The following WFIKKN2 variants were observed in gnomAD, a reference collection of about 807,000 sequenced individuals.
WFIKKN2 encodes the protein WAP, Kazal, immunoglobulin, Kunitz and NTR domain-containing protein 2.
A neutral mutation model predicts 39.2 loss-of-function variants in WFIKKN2; 25 were observed. That is an observed-to-expected ratio of 0.64 (90% CI 0.47 to 0.89). The LOEUF is 0.89. WFIKKN2 is among the 40% of genes least tolerant of loss of function. WFIKKN2 has a pLI of 0.00. For synonymous variants in WFIKKN2, 345 were observed against 329.7 expected, an observed-to-expected ratio of 1.05 and a Z score of -0.50; for missense variants, 770 against 811.7, an observed-to-expected ratio of 0.95 and a Z score of 0.62.
chr17:50,838,847 G>C (rs1004640207), intron 1 of WFIKKN2, among the ~76,000 whole-genome samples: 3 of 152,132 alleles, frequency 2.0e-5, no homozygotes, highest in Non-Finnish European at 4.4e-5. Context: ...CGGTCTCCTT[G>C]AGGGGAGGAG....
At chr17:50,836,242 G>A (rs1288371031) in intron 1 of WFIKKN2, 95 bp downstream of exon 1, 2 of 1,430,884 alleles carry the variant, frequency 1.4e-6, no homozygotes, top group Middle Eastern at 1.9e-4. Flanking sequence ...AGTGTGAGGA[G>A]GACAACGTGA....
intron 1 of WFIKKN2, among the ~76,000 whole-genome samples, chr17:50,837,174 G>T (rs947952261): frequency 6.6e-6 from 1 of 152,226 alleles, no homozygotes; most frequent in Admixed American, 6.5e-5. Flanking sequence ...GGGCACAGTT[G>T]TCATGGCCAG....
At position 50,841,844 on chromosome 17, in the gene WFIKKN2, T is replaced by C. The variant is rs1247505994; in HGVS notation, c.*825T>C. ...CACCCCTCCGCTGGACTCACAACTG[T>C]CTGGAGTTTCTGTCTGATGGATGGT... On this transcript the variant is annotated 3_prime_UTR_variant, in exon 2 of 2. Coordinates refer to ENST00000311378, the MANE Select transcript of WFIKKN2 (RefSeq NM_175575.6). 1 of 152,196 alleles carries C rather than the reference T, an allele frequency of 6.6e-6. No homozygotes were observed. Among genetic ancestry groups the C allele is most frequent in the African/African-American group, 2.4e-5 (1 of 41,390 alleles). The allele number at this position is 152,196 out of a possible 1,614,324, so 9.4% of individuals were successfully genotyped here. A position where few individuals can be genotyped will look rare whatever the true frequency, so the allele number is the denominator to read the frequency against.
chr17:50,839,836 A>G lies in WFIKKN2; in HGVS notation c.548A>G (p.Asn183Ser), dbSNP rs374420185. Residue 183 changes from asparagine (N) to serine (S), a missense_variant, in exon 2 of 2, where the codon AAC (asparagine) becomes AGC (serine). By Grantham distance (46) the Asn-to-Ser change is conservative (BLOSUM62 1). Transcript: ENST00000311378. ...TGCCGCTATCACTTCACCTGGCCCA[A>G]CACCAGCCCCCCACCACCTGAGACC... Reference protein sequence around the residue: ...VTCRYHFTWPNTSPPPPETTM... With the variant: ...VTCRYHFTWPSTSPPPPETTM... 1 of 1,613,948 alleles carries G rather than the reference A, an allele frequency of 6.2e-7. No individual in the cohort carries two copies. The highest frequency in any genetic ancestry group is 1.3e-5 in the African/African-American group (1 of 74,896).
rs766062053 is a variant in WFIKKN2, at chr17:50,840,448, G to A, written c.1160G>A (p.Ser387Asn). Residue 387 changes from serine (S) to asparagine (N), a missense_variant, in exon 2 of 2, where the codon AGC (serine) becomes AAC (asparagine). Transcript: ENST00000311378. The stretch of plus-strand genomic sequence containing the variant: ...ATGAGCGGGCCGCTGGCCGCGTGCA[G>A]CCTGCCCGCCCTGCAGGGGCCCTGC... ...ACMSGPLAAC[S>N]LPALQGPCKA... is the part of the protein sequence containing the mutation. 2 of 1,613,708 alleles carry A rather than the reference G, an allele frequency of 1.2e-6. No homozygotes were observed. Among genetic ancestry groups the A allele is most frequent in the East Asian group, 4.5e-5 (2 of 44,884 alleles).
Position 50,841,212 on chromosome 17 carries a change from C to A in WFIKKN2, c.*193C>A. 9 of 512,014 alleles carry A rather than the reference C, an allele frequency of 1.8e-5. No homozygotes were observed. Among genetic ancestry groups the A allele is most frequent in the Middle Eastern group, 5.3e-4 (1 of 1,884 alleles). 31.7% of individuals were successfully genotyped at this position (512,014 alleles called of 1,614,324 possible). A position where few individuals can be genotyped will look rare whatever the true frequency, so the allele number is the denominator to read the frequency against. On this transcript the variant is annotated 3_prime_UTR_variant, in exon 2 of 2. Transcript: ENST00000311378. ...TTTGGGTTCAATAAGGGGTTCATAT[C>A]TTTTTTAGCTGAGGGGGACAAGAGG...
intron 1 of WFIKKN2, 82 bp from the exon 2 acceptor site, chr17:50,839,417 T>TC: frequency 1.5e-6 from 2 of 1,367,272 alleles, no homozygotes; most frequent in Non-Finnish European, 2.0e-6. Context: ...TTAGTTCTCC[T>TC]CCCCACAAAC....
At chr17:50,839,187 T>C (rs1567907416) in intron 1 of WFIKKN2, among the ~76,000 whole-genome samples, 1 of 152,154 alleles carries the variant, frequency 6.6e-6, no homozygotes. Flanking sequence ...CTTCCTACCC[T>C]GCTAGCTGAG....
In WFIKKN2 at chr17:50,840,117, G is replaced by T; in HGVS notation, c.829G>T (p.Ala277Ser). The part of the protein sequence containing the change: ...TNIAQLVIYN[A>S]QLQDAGIYTC... Reference sequence around the variant, plus strand: ...CATTGCCCAGCTGGTCATCTATAACGCCCAGCTGCAGGATGCTGGGATCTA... The same window carrying T: ...CATTGCCCAGCTGGTCATCTATAACTCCCAGCTGCAGGATGCTGGGATCTA... Residue 277 changes from alanine to serine, a missense_variant, in exon 2 of 2, where the codon GCC (alanine) becomes TCC (serine). Physicochemically the swap from Ala to Ser is moderately conservative, Grantham distance 99 (BLOSUM62 1). Coordinates refer to ENST00000311378, the MANE Select transcript of WFIKKN2 (RefSeq NM_175575.6). The T allele has an allele frequency of 6.2e-7, 1 of 1,608,976 alleles. No homozygotes were observed. Among genetic ancestry groups the T allele is most frequent in the African/African-American group, 1.4e-5 (1 of 73,364 alleles).
intron 1 of WFIKKN2, 134 bp downstream of exon 1, chr17:50,836,281 G>T (rs915334194): frequency 1.9e-6 from 2 of 1,072,238 alleles, no homozygotes; most frequent in South Asian, 1.6e-5. Flanking sequence ...AGTGTGAGGC[G>T]GACCAGGTGA....
At chr17:50,836,990 G>T (rs993395626) in intron 1 of WFIKKN2, among the ~76,000 whole-genome samples, 1 of 152,200 alleles carries the variant, frequency 6.6e-6, no homozygotes. Context: ...AGGTGGGAGC[G>T]ATGTCCCAGT....
intron 1 of WFIKKN2, among the ~76,000 whole-genome samples, chr17:50,837,498 C>A (rs952111798): frequency 2.0e-5 from 3 of 152,228 alleles, no homozygotes; most frequent in African/African-American, 7.2e-5. Flanking sequence ...GGGCAACAGG[C>A]TGTGGGACCT....
At chr17:50,835,086 C>T (rs1319305827), upstream of WFIKKN2, 1 of 152,208 alleles carries the variant, frequency 6.6e-6, no homozygotes, top group African/African-American at 2.4e-5. Flanking sequence ...GAACTTAAGA[C>T]GCAAACTGCC....
chr17:50,834,954 C>A (rs573769588), upstream of WFIKKN2: 2 of 152,200 alleles, frequency 1.3e-5, no homozygotes, highest in South Asian at 4.2e-4. Context: ...ACTGTGACCG[C>A]GGAGGTTTTC....
At chr17:50,839,450 C>T in intron 1 of WFIKKN2, 49 bp from the exon 2 acceptor site, 5 of 1,539,646 alleles carry the variant, frequency 3.2e-6, no homozygotes, top group Non-Finnish European at 4.4e-6. Context: ...TAGGGAGCCC[C>T]TCCTTTCCTC....
rs149885164 is a variant in WFIKKN2 at position 50,835,990 on chromosome 17, C to T, written c.53C>T (p.Ala18Val). The T allele has an allele frequency of 3.8e-4, 605 of 1,606,922 alleles. 4 individuals carry two copies. Among genetic ancestry groups the T allele is most frequent in the Middle Eastern group, 2.0e-3 (12 of 6,068 alleles). The change falls in exon 1 of 2, where the codon GCG becomes GTG. Residue 18 changes from alanine (A) to valine (V), a missense_variant. Coordinates refer to ENST00000311378, the MANE Select transcript of WFIKKN2 (RefSeq NM_175575.6). The part of the protein sequence containing the change: ...RFWSRWEQVA[A>V]LLLLLLLLGV... ...TGGTCTCGCTGGGAGCAGGTGGCAG[C>T]GCTGCTGCTGCTGCTGCTACTGCTC...
Position 50,839,971 on chromosome 17 carries a change from G to A in WFIKKN2, c.683G>A (p.Ser228Asn), listed in dbSNP as rs780157281. 6.2e-7 allele frequency: 1 copy of A among 1,614,168 alleles called. No individual in the cohort carries two copies. Among genetic ancestry groups the A allele is most frequent in the South Asian group, 1.1e-5 (1 of 91,090 alleles). The change falls in exon 2 of 2, where the codon AGC (serine) becomes AAC (asparagine). Residue 228 changes from serine (S) to asparagine (N), a missense_variant. By Grantham distance (46) the Ser-to-Asn change is conservative (BLOSUM62 1). Coordinates refer to ENST00000311378, the MANE Select transcript of WFIKKN2 (RefSeq NM_175575.6). The stretch of plus-strand genomic sequence containing the variant: ...TCGGTCACCATGGGTGAGACAGTGA[G>A]CTTCCTCTGTGATGTGGTGGGCCGG... ...HQSVTMGETV[S>N]FLCDVVGRPR...
In WFIKKN2 at chr17:50,839,776, C is replaced by T. The variant is rs775538154; in HGVS notation, c.488C>T (p.Ala163Val). ...YYNRCYMDAE[A>V]CSKGITLAVV... is the part of the protein sequence containing the mutation. Reference sequence around the variant, plus strand: ...AACCGCTGCTACATGGATGCCGAGGCCTGCTCCAAAGGCATCACACTGGCC... The same window carrying T: ...AACCGCTGCTACATGGATGCCGAGGTCTGCTCCAAAGGCATCACACTGGCC... Residue 163 changes from alanine (A) to valine (V), a missense_variant, in exon 2 of 2, where the codon GCC becomes GTC. Transcript: ENST00000311378. The T allele has an allele frequency of 4.3e-6, 7 of 1,614,236 alleles. No individual in the cohort carries two copies. The highest frequency in any genetic ancestry group is 3.4e-6 in the Non-Finnish European group (4 of 1,180,046).
intron 1 of WFIKKN2, among the ~76,000 whole-genome samples, chr17:50,838,257 G>C (rs1290733632): frequency 6.6e-6 from 1 of 152,146 alleles, no homozygotes; most frequent in African/African-American, 2.4e-5. Flanking sequence ...CCAAACAAGG[G>C]CTGCAAAACA....
Sources: allele counts gnomAD v4.1 joint callset (sites outside exome capture counted in the v4.1 genomes callset), GRCh38; gene constraint gnomAD v4.1.1; transcripts MANE v1.5; gene names NCBI Gene and HGNC (gene_info 2026-07-23, HGNC 2026-07-21).